INTS15: variants seen among roughly 807,000 people sequenced by gnomAD.
The protein encoded by INTS15 is integrator complex subunit 15, also known as uncharacterized protein C7orf26.
At chr7:6,603,524 G>A in the INTS15 span, among the ~76,000 whole-genome samples, 1 of 151,890 alleles carries the variant, frequency 6.6e-6, no homozygotes, top group Non-Finnish European at 1.5e-5. Context: ...TCCATCCTGG[G>A]TGACAGAGCC....
chr7:6,605,471 A>G, the INTS15 span, among the ~76,000 whole-genome samples: 1 of 152,204 alleles, frequency 6.6e-6, no homozygotes. Flanking sequence ...GCAGGATACA[A>G]ATCCTGTGTA....
chr7:6,591,713 A>G, the INTS15 span: 3 of 1,614,078 alleles, frequency 1.9e-6, no homozygotes. Flanking sequence ...GAGCAAACCA[A>G]GGACTCTGTT....
At chr7:6,590,304 G>A in the INTS15 span, 512 of 1,576,398 alleles carry the variant, frequency 3.2e-4, no homozygotes, top group Non-Finnish European at 4.2e-4. Flanking sequence ...TCCGCCACTC[G>A]CTGCTGCGCC....
chr7:6,605,721 C>CA, the INTS15 span, among the ~76,000 whole-genome samples: 8 of 152,130 alleles, frequency 5.3e-5, no homozygotes, highest in African/African-American at 1.7e-4. Context: ...TTTTTTGAGA[C>CA]AGAGTCTCGC....
At chr7:6,590,914 C>G in the INTS15 span, among the ~76,000 whole-genome samples, 2,289 of 151,656 alleles carry the variant, frequency 0.015, 54 homozygotes, top group African/African-American at 0.052. Context: ...TCACAGCTCA[C>G]TACAACCTTG....
chr7:6,598,786 T>TGTGTGTGTGTGTGTGTGTG, the INTS15 span, among the ~76,000 whole-genome samples: 4 of 66,158 alleles, frequency 6.0e-5, no homozygotes, highest in African/African-American at 3.7e-4. Flanking sequence ...TGTGTGTGTG[T>TGTGTGTGTGTGTGTGTGTG]ATTTTTTTTT....
At chr7:6,600,209 C>G in the INTS15 span, 6 of 1,614,060 alleles carry the variant, frequency 3.7e-6, no homozygotes, top group Non-Finnish European at 4.2e-6. Context: ...CCTCTTCGAC[C>G]ACATGGTCCC....
At chr7:6,593,008 A>G in the INTS15 span, among the ~76,000 whole-genome samples, 3,809 of 152,242 alleles carry the variant, frequency 0.025, 163 homozygotes, top group African/African-American at 0.086. Flanking sequence ...CTTCAATGTG[A>G]TAGCAGCTGT....
At chr7:6,607,614 C>T in the INTS15 span, 1 of 1,419,040 alleles carries the variant, frequency 7.0e-7, no homozygotes, top group Non-Finnish European at 9.4e-7. This position sits in a 1 kb window ranked among gnomAD's most constrained non-coding sequence, Gnocchi z 6.0. Flanking sequence ...CGCGGTCATT[C>T]TCGGCTCTGA....
chr7:6,606,965 C>T, the INTS15 span, among the ~76,000 whole-genome samples: 1 of 152,130 alleles, frequency 6.6e-6, no homozygotes, highest in Non-Finnish European at 1.5e-5. Context: ...TCCAAAAGTG[C>T]TGGCATTACA....
chr7:6,595,193 G>C, the INTS15 span, among the ~76,000 whole-genome samples: 2 of 152,072 alleles, frequency 1.3e-5, no homozygotes, highest in Non-Finnish European at 2.9e-5. Flanking sequence ...CACCACGCCT[G>C]GCTAATTTTT....
chr7:6,602,276 A>C, the INTS15 span: 1 of 662,672 alleles, frequency 1.5e-6, no homozygotes, highest in Non-Finnish European at 2.6e-6. Context: ...GAGCATCAGA[A>C]AACGCACGTG....
the INTS15 span, among the ~76,000 whole-genome samples, chr7:6,590,878 G>A: frequency 7.2e-6 from 1 of 139,082 alleles, no homozygotes; most frequent in East Asian, 2.1e-4. Flanking sequence ...TCACTACGTT[G>A]CCCAGGCAGG....
chr7:6,602,829 T>G, the INTS15 span: 1 of 450,070 alleles, frequency 2.2e-6, no homozygotes, highest in Admixed American at 2.4e-5. Context: ...ATGTCCTTGG[T>G]CAGCTTCCCT....
the INTS15 span, chr7:6,607,999 G>A: frequency 6.2e-7 from 1 of 1,600,044 alleles, no homozygotes; most frequent in East Asian, 2.2e-5. The surrounding 1 kb of genome is among the most constrained non-coding windows in gnomAD (Gnocchi z 6.0). Context: ...TGCAGCAGTC[G>A]CCTCACGCCG....
the INTS15 span, among the ~76,000 whole-genome samples, chr7:6,598,947 C>T: frequency 3.3e-5 from 5 of 151,940 alleles, no homozygotes; most frequent in Non-Finnish European, 7.4e-5. Context: ...CCACCACTGC[C>T]GGCTAACTTT....
At chr7:6,596,307 G>A in the INTS15 span, among the ~76,000 whole-genome samples, 1 of 150,238 alleles carries the variant, frequency 6.7e-6, no homozygotes, top group Non-Finnish European at 1.5e-5. Context: ...ACCCATCTCG[G>A]CCTCCCAAAG....
chr7:6,594,341 T>A, the INTS15 span: 1 of 1,286,038 alleles, frequency 7.8e-7, no homozygotes, highest in South Asian at 1.3e-5. Flanking sequence ...GAAGTGGTTC[T>A]GCCATTTCTG....
chr7:6,596,192 A>G, the INTS15 span, among the ~76,000 whole-genome samples: 1 of 150,598 alleles, frequency 6.6e-6, no homozygotes. Flanking sequence ...GCTAGCTGGG[A>G]CTACAGGCGC....
Sources: allele counts gnomAD v4.1 joint callset (sites outside exome capture counted in the v4.1 genomes callset), GRCh38; gene constraint gnomAD v4.1.1; non-coding constraint Gnocchi (gnomAD v3.1); transcripts MANE v1.5; gene names NCBI Gene and HGNC (gene_info 2026-07-23, HGNC 2026-07-21).